DIMT1: variants seen among roughly 807,000 people sequenced by gnomAD.
The protein encoded by DIMT1 is dimethyladenosine transferase.
Under a neutral mutation model 43.2 loss-of-function variants are expected in DIMT1, and 36 were observed. The ratio of observed to expected loss-of-function variants is 0.83; its 90% CI spans 0.64 to 1.10. DIMT1 has a LOEUF of 1.10. Ranked by LOEUF, DIMT1 falls within the 50% of genes least tolerant of loss-of-function variation. DIMT1 has a pLI of 0.00. For missense variants in DIMT1, 341 were observed against 385.3 expected (o/e 0.88, Z 0.96); for synonymous variants, 126 against 130.3 (o/e 0.97, Z 0.22).
At chr5:62,399,890 G>A (rs1284015737) in intron 3 of DIMT1, among the ~76,000 whole-genome samples, 1 of 152,058 alleles carries the variant, frequency 6.6e-6, no homozygotes, top group Non-Finnish European at 1.5e-5. Context: ...TGGCAACAGA[G>A]CGAGACTCCA....
At chr5:62,403,151 A>T in intron 2 of DIMT1, 122 bp downstream of exon 2, 1 of 840,676 alleles carries the variant, frequency 1.2e-6, no homozygotes, top group Non-Finnish European at 1.9e-6. Context: ...CAATTATTTG[A>T]TTCATTCAAC....
rs773822379 is a variant in DIMT1, at chr5:62,398,578, A to C, written c.397-18T>G. 3 of 1,612,918 alleles carry C rather than the reference A, an allele frequency of 1.9e-6. No individual in the cohort carries two copies. The highest frequency in any genetic ancestry group is 2.5e-6 in the Non-Finnish European group (3 of 1,178,900). On this transcript the variant is annotated intron_variant, in intron 5 of 11. Coordinates refer to ENST00000199320, the MANE Select transcript of DIMT1 (RefSeq NM_014473.4). ...GAAGAGATCTGTAAGAGAATTAACTAGTTATTTCCGGGAAAGACACATCAG... is the reference window on the plus strand; with the variant it reads ...GAAGAGATCTGTAAGAGAATTAACTCGTTATTTCCGGGAAAGACACATCAG...
chr5:62,396,884 A>G (rs1742515935), intron 6 of DIMT1, among the ~76,000 whole-genome samples: 1 of 152,168 alleles, frequency 6.6e-6, no homozygotes, highest in African/African-American at 2.4e-5. Flanking sequence ...TTAGGATCAC[A>G]CTGGTAAAGC....
At position 62,398,700 on chromosome 5, in the gene DIMT1, C is replaced by G. The variant is rs773199964; in HGVS notation, c.342G>C (p.Val114=). The part of the protein sequence containing the change: ...ASKLQVLVGD[V]LKTDLPFFDT... ...CAAAGAATGGCAAATCTGTTTTCAGCACATCACCCACCAGTACTTGAAGTT... is the reference window on the plus strand; with the variant it reads ...CAAAGAATGGCAAATCTGTTTTCAGGACATCACCCACCAGTACTTGAAGTT... Residue 114 remains valine, a synonymous_variant, in exon 5 of 12, where the codon GTG becomes GTC. Coordinates refer to ENST00000199320, the MANE Select transcript of DIMT1 (RefSeq NM_014473.4). 1.9e-6 allele frequency: 3 copies of G among 1,614,178 alleles called. No individual in the cohort carries two copies. Among genetic ancestry groups the G allele is most frequent in the Non-Finnish European group, 2.5e-6 (3 of 1,180,026 alleles).
In DIMT1 at chr5:62,390,875, C is replaced by A; in HGVS notation, c.899+1G>T. 1 of 1,610,606 alleles carries A rather than the reference C, an allele frequency of 6.2e-7. No individual in the cohort carries two copies. Among genetic ancestry groups the A allele is most frequent in the Non-Finnish European group, 8.5e-7 (1 of 1,178,636 alleles). On this transcript the variant is annotated splice_donor_variant, in intron 11 of 11. Transcript: ENST00000199320. LOFTEE classifies it high-confidence loss of function. ...ACTTAGGAAAACAAAAATGTAATTA[C>A]CTGATGAAGTCATCTATGTCCATGG...
At chr5:62,396,305 G>T (rs907486294) in intron 6 of DIMT1, among the ~76,000 whole-genome samples, 22 of 151,698 alleles carry the variant, frequency 1.5e-4, no homozygotes, top group Admixed American at 1.4e-3. Context: ...AGCTCAGGAG[G>T]GGGAGACAGC....
In DIMT1 at chr5:62,390,983, C is replaced by A. The variant is rs760270737; in HGVS notation, c.793-1G>T. 1.2e-6 allele frequency: 2 copies of A among 1,610,780 alleles called. No homozygotes were observed. The highest frequency in any genetic ancestry group is 1.1e-5 in the South Asian group (1 of 91,030). On this transcript the variant is annotated splice_acceptor_variant, in intron 10 of 11. Transcript: ENST00000199320. LOFTEE classifies it high-confidence loss of function. ...CTATGCTGAAATCTTCTGGTATTAT[C>A]TATCAATATAAGATTCAGAATAAAT...
chr5:62,390,557 T>G (rs1429843067), intron 11 of DIMT1, among the ~76,000 whole-genome samples: 1 of 152,188 alleles, frequency 6.6e-6, no homozygotes, highest in Non-Finnish European at 1.5e-5. Context: ...CTATTAAGAC[T>G]AAGACTATGA....
intron 6 of DIMT1, among the ~76,000 whole-genome samples, chr5:62,397,586 AG>A (rs1742541662): frequency 6.6e-6 from 1 of 152,196 alleles, no homozygotes; most frequent in Non-Finnish European, 1.5e-5. Context: ...ACATTGTCTC[AG>A]CCCTTCTTAA....
In DIMT1 at chr5:62,388,980, T is replaced by C. The variant is rs1742164870; in HGVS notation, c.*30A>G. 1 of 1,591,880 alleles carries C rather than the reference T, an allele frequency of 6.3e-7. No homozygotes were observed. The highest frequency in any genetic ancestry group is 8.6e-7 in the Non-Finnish European group (1 of 1,164,668). On this transcript the variant is annotated 3_prime_UTR_variant, in exon 12 of 12. Transcript: ENST00000199320. ...AAAATACAAAATTCATTTCTTTTCTTGACCTTGAAAATTTCTGTTTTCCAA... is the reference window on the plus strand; with the variant it reads ...AAAATACAAAATTCATTTCTTTTCTCGACCTTGAAAATTTCTGTTTTCCAA...
intron 10 of DIMT1, chr5:62,391,818 A>G (rs1350864919): frequency 1.4e-6 from 2 of 1,426,324 alleles, no homozygotes; most frequent in Non-Finnish European, 1.8e-6. Flanking sequence ...CGTGGTCACA[A>G]TTCAGAGGAC....
rs1253429273 is a variant in DIMT1 at position 62,388,321 on chromosome 5, TTTCA to T, written c.*685_*688del. On this transcript the variant is annotated 3_prime_UTR_variant, in exon 12 of 12. Transcript: ENST00000199320. The stretch of plus-strand genomic sequence containing the variant: ...TAAAAAAAGATAATTTTATTGTTAA[TTTCA>T]TTCCAGTTTAGCTTCCTCATTTTAC... The T allele has an allele frequency of 2.0e-5, 3 of 152,372 alleles. No homozygotes were observed. Among genetic ancestry groups the T allele is most frequent in the Non-Finnish European group, 4.4e-5 (3 of 68,044 alleles). 9.4% of individuals were successfully genotyped at this position (152,372 alleles called of 1,614,324 possible). A position where few individuals can be genotyped will look rare whatever the true frequency, so the allele number is the denominator to read the frequency against.
chr5:62,391,673 C>G (rs1478414292), intron 10 of DIMT1: 3 of 1,186,340 alleles, frequency 2.5e-6, no homozygotes, highest in South Asian at 6.0e-5. Flanking sequence ...TCACATCGCA[C>G]ACACTGTTAC....
chr5:62,401,250 C>G (rs371351678), intron 3 of DIMT1, among the ~76,000 whole-genome samples: 1 of 152,044 alleles, frequency 6.6e-6, no homozygotes, highest in Non-Finnish European at 1.5e-5. Context: ...AATCCCAGCA[C>G]TTTGGGAAGC....
chr5:62,403,721 G>C lies in DIMT1; in HGVS notation c.52C>G (p.Gln18Glu), dbSNP rs747298162. 6.2e-7 allele frequency: 1 copy of C among 1,609,896 alleles called. No individual in the cohort carries two copies. Residue 18 changes from glutamine to glutamate, a missense_variant, in exon 1 of 12, where the codon CAG becomes GAG. Transcript: ENST00000199320. ...CCAGCGCTCTTCAGCTCCCGGCGCTGCTCCTGCCGCCCGCGGCGGCGGCCG... is the reference window on the plus strand; with the variant it reads ...CCAGCGCTCTTCAGCTCCCGGCGCTCCTCCTGCCGCCCGCGGCGGCGGCCG... ...AIGRRRGRQE[Q>E]RRELKSAGGL...
At position 62,387,335 on chromosome 5, in the gene DIMT1, AAAAG is replaced by A. The variant is rs1358119665; in HGVS notation, c.*1671_*1674del. On this transcript the variant is annotated 3_prime_UTR_variant, in exon 12 of 12. Coordinates refer to ENST00000199320, the MANE Select transcript of DIMT1 (RefSeq NM_014473.4). ...TTGACCTTGCAAAGGATATTTAAAA[AAAAG>A]GTAGTTTTTGAGATTAACCAACTTT... 1 of 152,218 alleles carries A rather than the reference AAAAG, an allele frequency of 6.6e-6. No homozygotes were observed. Among genetic ancestry groups the A allele is most frequent in the Non-Finnish European group, 1.5e-5 (1 of 68,034 alleles). 9.4% of individuals were successfully genotyped at this position (152,218 alleles called of 1,614,324 possible).
intron 6 of DIMT1, among the ~76,000 whole-genome samples, chr5:62,396,862 T>C (rs896058566): frequency 1.3e-5 from 2 of 152,224 alleles, no homozygotes; most frequent in Non-Finnish European, 2.9e-5. Context: ...TCACTTTCAC[T>C]CTGCTTTGTC....
intron 1 of DIMT1, 71 bp from the exon 2 acceptor site, chr5:62,403,417 G>A: frequency 7.0e-7 from 1 of 1,430,124 alleles, no homozygotes; most frequent in Non-Finnish European, 9.9e-7. Flanking sequence ...AGAGAAGAAA[G>A]CTGCATGGGT....
At chr5:62,396,139 G>GTTTTTTTTT (rs758847833) in intron 6 of DIMT1, among the ~76,000 whole-genome samples, 6 of 116,760 alleles carry the variant, frequency 5.1e-5, no homozygotes, top group Admixed American at 9.0e-5. Flanking sequence ...GTCACTGCAG[G>GTTTTTTTTT]TTTTTTTTTT....
Sources: allele counts gnomAD v4.1 joint callset (sites outside exome capture counted in the v4.1 genomes callset), GRCh38; gene constraint gnomAD v4.1.1; transcripts MANE v1.5; gene names NCBI Gene and HGNC (gene_info 2026-07-23, HGNC 2026-07-21).